LARP4B: variants seen among roughly 807,000 people sequenced by gnomAD.
The protein encoded by LARP4B is la-related protein 4B.
LARP4B carries 12 observed loss-of-function variants against 89.8 expected under a neutral mutation model. That is an observed-to-expected ratio of 0.13 (90% confidence interval 0.09 to 0.22). LARP4B has a LOEUF of 0.22. LARP4B is among the 10% of genes least tolerant of loss of function. The probability of loss-of-function intolerance (pLI) is 1.00; values close to 1 mark genes in which losing one functional copy is unlikely to be tolerated. For missense variants in LARP4B, 757 were observed against 947.7 expected, an observed-to-expected ratio of 0.80 and a Z score of 2.64; for synonymous variants, 367 against 363.3, an observed-to-expected ratio of 1.01 and a Z score of -0.12.
chr10:832,171 G>A (rs1449845950), intron 8 of LARP4B, among the ~76,000 whole-genome samples: 1 of 151,986 alleles, frequency 6.6e-6, no homozygotes, highest in East Asian at 1.9e-4. Context: ...AGCCTCCCAA[G>A]TAGCTGGGAC....
intron 5 of LARP4B, among the ~76,000 whole-genome samples, chr10:859,055 GA>G (rs1834452642): frequency 6.6e-6 from 1 of 152,160 alleles, no homozygotes; most frequent in African/African-American, 2.4e-5. Flanking sequence ...GGGAGGCTGA[GA>G]TGGGCAGAGG....
intron 1 of LARP4B, among the ~76,000 whole-genome samples, chr10:926,954 C>T (rs569499227): frequency 2.0e-5 from 3 of 151,820 alleles, no homozygotes; most frequent in South Asian, 4.1e-4. Flanking sequence ...GCAGGGGAAT[C>T]GCTTAAACCC....
intron 6 of LARP4B, among the ~76,000 whole-genome samples, chr10:844,259 CCTGCACCTTTTGCGT>C (rs1833667267): frequency 6.6e-6 from 1 of 152,226 alleles, no homozygotes; most frequent in African/African-American, 2.4e-5. Context: ...CACTGGTGCC[CCTGCACCTTTTGCGT>C]CTACCATGTC....
chr10:872,199 C>T (rs761579529), intron 3 of LARP4B, among the ~76,000 whole-genome samples: 9 of 152,242 alleles, frequency 5.9e-5, no homozygotes, highest in Admixed American at 1.3e-4. Context: ...TCCATCTGCA[C>T]GTTATCAGTG....
At chr10:826,855 G>A (rs1832652398) in intron 11 of LARP4B, among the ~76,000 whole-genome samples, 2 of 152,268 alleles carry the variant, frequency 1.3e-5, no homozygotes, top group South Asian at 4.1e-4. Context: ...AGAGCTAACT[G>A]GAAGATATAA....
intron 8 of LARP4B, among the ~76,000 whole-genome samples, chr10:832,338 C>T (rs541698703): frequency 1.1e-4 from 16 of 152,268 alleles, no homozygotes; most frequent in Admixed American, 4.6e-4. Context: ...CCACTGCGCC[C>T]GGCCAGATTT....
chr10:868,012 T>A (rs1408589960), intron 3 of LARP4B, among the ~76,000 whole-genome samples: 1 of 151,558 alleles, frequency 6.6e-6, no homozygotes, highest in African/African-American at 2.4e-5. Flanking sequence ...CATGCCTGAG[T>A]TCTGATGCTT....
intron 1 of LARP4B, among the ~76,000 whole-genome samples, chr10:910,834 T>C (rs969944750): frequency 6.6e-6 from 1 of 152,228 alleles, no homozygotes; most frequent in African/African-American, 2.4e-5. Context: ...CCAACTCCTG[T>C]TAGTTTCCTA....
At chr10:951,616 A>C in the LARP4B span, among the ~76,000 whole-genome samples, 1 of 152,164 alleles carries the variant, frequency 6.6e-6, no homozygotes, top group Admixed American at 6.5e-5. Flanking sequence ...AACTTCAAAC[A>C]GGAGACCAAG....
intron 8 of LARP4B, among the ~76,000 whole-genome samples, chr10:834,863 G>A (rs1833110350): frequency 6.6e-6 from 1 of 151,844 alleles, no homozygotes; most frequent in Admixed American, 6.6e-5. Flanking sequence ...AAATATGCTG[G>A]TCCTCGGCCG....
chr10:963,603 A>C, the LARP4B span, among the ~76,000 whole-genome samples: 1 of 152,246 alleles, frequency 6.6e-6, no homozygotes, highest in African/African-American at 2.4e-5. Flanking sequence ...TACAAATTCA[A>C]CCTAATAAAG....
chr10:808,303 C>G (rs988297846), downstream of LARP4B: 1 of 152,210 alleles, frequency 6.6e-6, no homozygotes, highest in Non-Finnish European at 1.5e-5. Context: ...AAATATACTT[C>G]GAGTTAATAC....
intron 1 of LARP4B, among the ~76,000 whole-genome samples, chr10:917,702 T>C (rs78318914): frequency 0.012 from 1,791 of 152,380 alleles, 32 homozygotes; most frequent in African/African-American, 0.041. Context: ...CATGTAAGTA[T>C]TACCAGCATA....
intron 1 of LARP4B, among the ~76,000 whole-genome samples, chr10:927,969 T>C (rs1837193017): frequency 1.3e-5 from 2 of 152,088 alleles, no homozygotes; most frequent in Non-Finnish European, 2.9e-5. Context: ...TCCCAGCACT[T>C]TGGGAGGCCG....
At chr10:892,729 C>T (rs967165542) in intron 1 of LARP4B, among the ~76,000 whole-genome samples, 1 of 151,742 alleles carries the variant, frequency 6.6e-6, no homozygotes, top group Non-Finnish European at 1.5e-5. Flanking sequence ...TTAGTAGAGA[C>T]GGGGTTTCAC....
intron 1 of LARP4B, among the ~76,000 whole-genome samples, chr10:887,817 A>G (rs1411325197): frequency 6.6e-6 from 1 of 150,712 alleles, no homozygotes; most frequent in Non-Finnish European, 1.5e-5. Flanking sequence ...TGAGGCCAGG[A>G]GTTCGAGACC....
intron 3 of LARP4B, among the ~76,000 whole-genome samples, chr10:867,635 C>T (rs1005786110): frequency 1.3e-5 from 2 of 151,960 alleles, no homozygotes; most frequent in African/African-American, 2.4e-5. Context: ...CCAAGATGGG[C>T]AGATCACTTG....
At position 871,390 on chromosome 10, in the gene LARP4B, C is replaced by T. The variant is rs73584576; in HGVS notation, c.142-7120G>A. Reference sequence around the variant, plus strand: ...GCTTTAGGCCATCTGTCCTCTGCACCGTCCCCTGCGTGTCCACCACACGCT... The same window carrying T: ...GCTTTAGGCCATCTGTCCTCTGCACTGTCCCCTGCGTGTCCACCACACGCT... On this transcript the variant is annotated intron_variant, in intron 3 of 17. Coordinates refer to ENST00000316157, the MANE Select transcript of LARP4B (RefSeq NM_015155.3). Among the ~76,000 whole-genome samples, 1,257 of 151,834 alleles carry T rather than the reference C, an allele frequency of 8.3e-3. 16 individuals carry two copies. The highest frequency in any genetic ancestry group is 0.028 in the African/African-American group (1,166 of 41,424).
At chr10:929,811 T>TA (rs1189250833) in intron 1 of LARP4B, among the ~76,000 whole-genome samples, 3 of 152,146 alleles carry the variant, frequency 2.0e-5, no homozygotes, top group Non-Finnish European at 4.4e-5. Flanking sequence ...CTTTTCAAAA[T>TA]ACCGGATAAA....
Sources: gnomAD v4.1 joint callset for allele counts (sites outside exome capture counted in the v4.1 genomes callset) on GRCh38, gnomAD v4.1.1 for gene constraint, MANE v1.5 for transcripts, NCBI Gene and HGNC (gene_info 2026-07-23, HGNC 2026-07-21) for gene names.